Variants in BRD7 observed in about 807,000 individuals in gnomAD.
The protein encoded by BRD7 is bromodomain-containing protein 7.
BRD7 carries 15 observed loss-of-function variants against 82.1 expected under a neutral mutation model. That is an observed-to-expected ratio of 0.18 (90% CI 0.12 to 0.28). The LOEUF is 0.28. Among genes scored for constraint, BRD7 ranks in the 10% least tolerant of loss-of-function variants. The pLI is 1.00. For synonymous variants in BRD7, 232 were observed against 266.9 expected (o/e 0.87, Z 1.27); for missense variants, 638 against 779.9 (o/e 0.82, Z 2.17).
intron 6 of BRD7, 57 bp downstream of exon 6, chr16:50,339,919 A>T: frequency 9.2e-7 from 1 of 1,084,990 alleles, no homozygotes; most frequent in Non-Finnish European, 1.4e-6. Flanking sequence ...TACTATGGCC[A>T]ACAAACAGCG....
intron 16 of BRD7, among the ~76,000 whole-genome samples, 156 bp from the exon 17 acceptor site, chr16:50,319,422 T>G (rs573274619): frequency 3.3e-5 from 5 of 152,364 alleles, no homozygotes; most frequent in Non-Finnish European, 4.4e-5. Context: ...AGGTGATCAT[T>G]GTGGCTCTTC....
At position 50,323,697 on chromosome 16, in the gene BRD7, T is replaced by C; in HGVS notation, c.1333A>G (p.Ile445Val). The C allele has an allele frequency of 6.2e-7, 1 of 1,611,412 alleles. No individual in the cohort carries two copies. Among genetic ancestry groups the C allele is most frequent in the Non-Finnish European group, 8.5e-7 (1 of 1,177,568 alleles). Reference protein sequence around the residue: ...EDSDLPSDFSIHEFLATCQDY... With the variant: ...EDSDLPSDFSVHEFLATCQDY... ...TGGCACGTGGCCAAAAACTCATGGA[T>C]GCTGCAAGAGACAGTTAGGAAAGTC... Residue 445 changes from isoleucine (I) to valine (V), a missense_variant and splice_region_variant, in exon 12 of 17, where the codon ATC becomes GTC. Physicochemically the swap from Ile to Val is conservative, Grantham distance 29 (BLOSUM62 3). This residue lies in a region of BRD7 where 402 missense variants were observed against 500.8 expected (regional missense o/e 0.80). Coordinates refer to ENST00000394688, the MANE Select transcript of BRD7 (RefSeq NM_013263.5).
At chr16:50,324,396 A>G (rs1181101223) in intron 11 of BRD7, among the ~76,000 whole-genome samples, 1 of 152,040 alleles carries the variant, frequency 6.6e-6, no homozygotes, top group African/African-American at 2.4e-5. Context: ...GATCCTTTAA[A>G]CATCATAATC....
In BRD7 at chr16:50,323,642, A is replaced by G; in HGVS notation, c.1388T>C (p.Leu463Ser). Reference sequence around the variant, plus strand: ...CCCTCCTTTTGTTAAAACATCCAGTAAACTATCTGCCATGACATACGGATA... The same window carrying G: ...CCCTCCTTTTGTTAAAACATCCAGTGAACTATCTGCCATGACATACGGATA... ...QDYPYVMADSLLDVLTKGGHS... is the reference protein window; with the variant it reads ...QDYPYVMADSSLDVLTKGGHS... Residue 463 changes from leucine to serine, a missense_variant, in exon 12 of 17, where the codon TTA (leucine) becomes TCA (serine). Coordinates refer to ENST00000394688, the MANE Select transcript of BRD7 (RefSeq NM_013263.5). 6.2e-7 allele frequency: 1 copy of G among 1,613,922 alleles called. No individual in the cohort carries two copies.
At position 50,319,938 on chromosome 16, in the gene BRD7, T is replaced by C. The variant is rs1426712186; in HGVS notation, c.1849A>G (p.Ile617Val). The C allele has an allele frequency of 1.9e-6, 3 of 1,612,560 alleles. No individual in the cohort carries two copies. Among genetic ancestry groups the C allele is most frequent in the Non-Finnish European group, 8.5e-7 (1 of 1,179,976 alleles). ...TCCATGACGGGGGAAGGAATGGAAATCCCCATTGCTTTTCGAACTCCATAC... is the reference window on the plus strand; with the variant it reads ...TCCATGACGGGGGAAGGAATGGAAACCCCCATTGCTTTTCGAACTCCATAC... ...STYGVRKAMGISIPSPVMENN... is the reference protein window; with the variant it reads ...STYGVRKAMGVSIPSPVMENN... The change falls in exon 16 of 17, where the codon ATT becomes GTT. Residue 617 changes from isoleucine to valine, a missense_variant. Ile to Val is a conservative substitution (Grantham distance 29). Coordinates refer to ENST00000394688, the MANE Select transcript of BRD7 (RefSeq NM_013263.5).
In BRD7 at chr16:50,350,361, T is replaced by G. The variant is rs60264933; in HGVS notation, c.447-194A>C. Reference sequence around the variant, plus strand: ...TTCATAACAAGGAAGTTTTACATACTAGCTGTACCCTCAGGATGGAGATTT... The same window carrying G: ...TTCATAACAAGGAAGTTTTACATACGAGCTGTACCCTCAGGATGGAGATTT... On this transcript the variant is annotated intron_variant, in intron 4 of 16. Transcript: ENST00000394688. Among the ~76,000 whole-genome samples, 48 of 152,342 alleles carry G rather than the reference T, an allele frequency of 3.2e-4. No individual in the cohort carries two copies. The East Asian group carries it at 9.2e-3, about 29-fold the overall frequency.
chr16:50,341,730 AAG>A (rs1299951732), intron 5 of BRD7, among the ~76,000 whole-genome samples: 11 of 151,766 alleles, frequency 7.2e-5, no homozygotes, highest in African/African-American at 2.7e-4. Flanking sequence ...TACTCAAACT[AAG>A]TGACCATTTG....
intron 6 of BRD7, among the ~76,000 whole-genome samples, chr16:50,339,661 CT>C (rs1200699494): frequency 6.6e-6 from 1 of 152,154 alleles, no homozygotes; most frequent in Admixed American, 6.5e-5. Flanking sequence ...GAGCTTTCCT[CT>C]TCAGAGTTCT....
intron 4 of BRD7, among the ~76,000 whole-genome samples, chr16:50,351,114 TAAC>T (rs1474365382): frequency 6.6e-6 from 1 of 152,162 alleles, no homozygotes; most frequent in Non-Finnish European, 1.5e-5. Flanking sequence ...GTTTAAAAAA[TAAC>T]AACTTCTTTA....
chr16:50,345,121 C>T (rs2038228521), intron 5 of BRD7, among the ~76,000 whole-genome samples: 1 of 152,178 alleles, frequency 6.6e-6, no homozygotes, highest in African/African-American at 2.4e-5. Context: ...ATTCAACATT[C>T]TTAAAGAAAA....
intron 5 of BRD7, 36 bp from the exon 6 acceptor site, chr16:50,340,122 T>G (rs760719485): frequency 7.8e-7 from 1 of 1,288,546 alleles, no homozygotes. Flanking sequence ...AATGCATTAA[T>G]GCAAAACAAA....
In BRD7 at chr16:50,321,204, C is replaced by T. The variant is rs116988464; in HGVS notation, c.1501-430G>A. 6.5e-3 allele frequency among the ~76,000 whole-genome samples: 994 copies of T among 152,238 alleles called. 8 individuals carry two copies. Among genetic ancestry groups the T allele is most frequent in the Middle Eastern group, 0.02 (6 of 294 alleles). ...CTTGCATTCCTATTGATACACTTCC[C>T]GGGTCTTCTCCAGGCCTCCAAACTA... is the stretch of plus-strand genomic sequence containing the variant. On this transcript the variant is annotated intron_variant, in intron 13 of 16. Coordinates refer to ENST00000394688, the MANE Select transcript of BRD7 (RefSeq NM_013263.5).
intron 9 of BRD7, among the ~76,000 whole-genome samples, chr16:50,327,750 T>C (rs2037399066): frequency 6.6e-6 from 1 of 152,214 alleles, no homozygotes. Flanking sequence ...GTAGTATTTA[T>C]TCATTATAGA....
In BRD7 at chr16:50,334,771, C is replaced by A. The variant is rs781455203; in HGVS notation, c.827G>T (p.Arg276Ile). 35 of 1,613,898 alleles carry A rather than the reference C, an allele frequency of 2.2e-5. No homozygotes were observed. The highest frequency in any genetic ancestry group is 3.0e-5 in the Non-Finnish European group (35 of 1,179,936). ...GEDGGCWQRE[R>I]EDSGDAEAHA... The stretch of plus-strand genomic sequence containing the variant: ...TGCTTCGGCATCTCCAGAGTCCTCT[C>A]TCTCTCTCTGCCAGCAGCCTCCGTC... Residue 276 changes from arginine to isoleucine, a missense_variant, in exon 7 of 17, where the codon AGA becomes ATA. Physicochemically the swap from Arg to Ile is moderately conservative, Grantham distance 97. Coordinates refer to ENST00000394688, the MANE Select transcript of BRD7 (RefSeq NM_013263.5).
rs2036858620 is a variant in BRD7, at chr16:50,317,506, T to A, written c.*1705A>T. The A allele has an allele frequency of 6.6e-6, 1 of 152,372 alleles. No individual in the cohort carries two copies. Among genetic ancestry groups the A allele is most frequent in the Non-Finnish European group, 1.5e-5 (1 of 68,038 alleles). The allele number at this position is 152,372 out of a possible 1,614,324, so 9.4% of individuals were successfully genotyped here. A position where few individuals can be genotyped will look rare whatever the true frequency, so the allele number is the denominator to read the frequency against. On this transcript the variant is annotated 3_prime_UTR_variant, in exon 17 of 17. Coordinates refer to ENST00000394688, the MANE Select transcript of BRD7 (RefSeq NM_013263.5). ...TTTGTACTCTTGGAATATTTGTTTT[T>A]TTCTTCAGTAACAACAGAAACCCCA...
intron 8 of BRD7, among the ~76,000 whole-genome samples, chr16:50,330,579 T>TA (rs925998119): frequency 6.6e-6 from 1 of 152,188 alleles, no homozygotes; most frequent in African/African-American, 2.4e-5. Context: ...AACTGGCAAA[T>TA]GAAGAATCTT....
rs542951330 is a variant in BRD7 at position 50,360,117 on chromosome 16, A to G, written c.259-5195T>C. Among the ~76,000 whole-genome samples the G allele has an allele frequency of 5.3e-5, 8 of 152,330 alleles. 1 individual carries two copies. In the South Asian group the frequency reaches 1.7e-3, roughly 32 times the overall value. On this transcript the variant is annotated intron_variant, in intron 2 of 16. Transcript: ENST00000394688. Reference sequence around the variant, plus strand: ...ACCGAACCACATTATTCACTCAACAAATGACATTTGCCTGTTCTACTGGAG... The same window carrying G: ...ACCGAACCACATTATTCACTCAACAGATGACATTTGCCTGTTCTACTGGAG...
At chr16:50,351,718 T>C (rs1023313178) in intron 4 of BRD7, among the ~76,000 whole-genome samples, 1 of 152,248 alleles carries the variant, frequency 6.6e-6, no homozygotes, top group Non-Finnish European at 1.5e-5. Context: ...GTTTTTTCAT[T>C]AAGACTTTGT....
At chr16:50,339,870 T>C in intron 6 of BRD7, 106 bp downstream of exon 6, 1 of 483,046 alleles carries the variant, frequency 2.1e-6, no homozygotes, top group Non-Finnish European at 3.6e-6. Flanking sequence ...TAATATAACC[T>C]GCTAATAAAA....
Sources: allele counts gnomAD v4.1 joint callset (sites outside exome capture counted in the v4.1 genomes callset), GRCh38; gene constraint gnomAD v4.1.1; regional missense constraint gnomAD v4.1.1; transcripts MANE v1.5; gene names NCBI Gene and HGNC (gene_info 2026-07-23, HGNC 2026-07-21).